CLASP1: variants seen among roughly 807,000 people sequenced by gnomAD.
The protein encoded by CLASP1 is CLIP-associating protein 1.
CLASP1 carries 38 observed loss-of-function variants against 192.3 expected under a neutral mutation model. The observed-to-expected ratio is 0.20, with a 90% confidence interval of 0.15 to 0.26. CLASP1 has a LOEUF of 0.26. Among genes scored for constraint, CLASP1 ranks in the 10% least tolerant of loss-of-function variants. CLASP1 has a pLI of 1.00. For missense variants in CLASP1, 1,433 were observed against 1,932.5 expected (o/e 0.74, Z 4.85); for synonymous variants, 691 against 712.8 (o/e 0.97, Z 0.49).
At position 121,530,329 on chromosome 2, in the gene CLASP1, C is replaced by G; in HGVS notation, c.196-4G>C. On this transcript the variant is annotated splice_region_variant and splice_polypyrimidine_tract_variant and intron_variant, in intron 2 of 39. Transcript: ENST00000263710. Reference sequence around the variant, plus strand: ...TGTCCATGCCCAGCAGAACCACCTGCAGCGGGAAACACCGGGAGCCTGTTA... The same window carrying G: ...TGTCCATGCCCAGCAGAACCACCTGGAGCGGGAAACACCGGGAGCCTGTTA... The G allele has an allele frequency of 1.9e-6, 3 of 1,548,862 alleles. No homozygotes were observed. The highest frequency in any genetic ancestry group is 2.6e-6 in the Non-Finnish European group (3 of 1,145,672).
chr2:121,574,037 C>A (rs1212975110), intron 2 of CLASP1, among the ~76,000 whole-genome samples: 1 of 152,100 alleles, frequency 6.6e-6, no homozygotes, highest in Non-Finnish European at 1.5e-5. Flanking sequence ...ATCTATTGTA[C>A]AATATGGTAA....
chr2:121,631,119 A>C (rs191783102), intron 1 of CLASP1, among the ~76,000 whole-genome samples: 1,256 of 118,186 alleles, frequency 0.011, 10 homozygotes, highest in Admixed American at 0.018. Context: ...AGATTGCGCC[A>C]TTACGCTCCA....
intron 2 of CLASP1, among the ~76,000 whole-genome samples, chr2:121,544,589 T>A (rs899482011): frequency 2.4e-4 from 36 of 152,280 alleles, no homozygotes; most frequent in African/African-American, 7.9e-4. Context: ...TTACTTAAAA[T>A]TTATTGATCA....
chr2:121,593,383 G>A (rs968810000), intron 2 of CLASP1, among the ~76,000 whole-genome samples: 8 of 152,126 alleles, frequency 5.3e-5, no homozygotes, highest in Non-Finnish European at 8.8e-5. Flanking sequence ...ACTTAGGGAG[G>A]CCCAGGCGGG....
In CLASP1 at chr2:121,503,021, T is replaced by G. The variant is rs927967078; in HGVS notation, c.712+146A>C. ...CAGTGATGATTCACTGCATTGTTTC[T>G]GGCCTGGAAAACTGGGTGAATGGAG... On this transcript the variant is annotated intron_variant, in intron 8 of 39. Transcript: ENST00000263710. The G allele has an allele frequency of 5.0e-6, 3 of 601,926 alleles. No homozygotes were observed. In the African/African-American group the frequency reaches 5.6e-5, roughly 11 times the overall value. The allele number at this position is 601,926 out of a possible 1,614,324, so 37.3% of individuals were successfully genotyped here.
chr2:121,528,129 AC>A (rs1192054111), intron 4 of CLASP1, among the ~76,000 whole-genome samples: 2 of 152,196 alleles, frequency 1.3e-5, no homozygotes, highest in Admixed American at 6.5e-5. Flanking sequence ...TCTCCCAAGA[AC>A]CCTGAAAGAG....
At chr2:121,393,683 G>A (rs558816802) in intron 30 of CLASP1, among the ~76,000 whole-genome samples, 60 of 152,168 alleles carry the variant, frequency 3.9e-4, no homozygotes, top group African/African-American at 1.4e-3. Flanking sequence ...TCAAAACAGG[G>A]AATTTAAATA....
At chr2:121,530,577 G>C (rs918887083) in intron 2 of CLASP1, 5 of 532,280 alleles carry the variant, frequency 9.4e-6, no homozygotes, top group South Asian at 2.8e-5. Context: ...AGCCAAACCC[G>C]GGTTAGCTGC....
rs190038674 is a variant in CLASP1 at position 121,604,679 on chromosome 2, T to C, written c.195+1022A>G. Among the ~76,000 whole-genome samples, 9 of 152,200 alleles carry C rather than the reference T, an allele frequency of 5.9e-5. No homozygotes were observed. The East Asian group carries it at 1.5e-3, about 26-fold the overall frequency. ...CAAGACTCGGTCTAAAAAATAAATA[T>C]ACGAAGACAGGTAGGATAAATTTTA... is the stretch of plus-strand genomic sequence containing the variant. On this transcript the variant is annotated intron_variant, in intron 2 of 39. Coordinates refer to ENST00000263710, the Ensembl canonical transcript of CLASP1.
At chr2:121,377,588 C>T in exon 34 of CLASP1, 1 of 1,595,792 alleles carries the variant, frequency 6.3e-7, no homozygotes, top group Non-Finnish European at 8.6e-7. Context: ...GCTTCTGTAA[C>T]TCCACGTAGA....
At chr2:121,340,579 G>T in exon 40 of CLASP1, 1 of 333,374 alleles carries the variant, frequency 3.0e-6, no homozygotes, top group Non-Finnish European at 5.4e-6. Context: ...CACACACAGG[G>T]TTTCGCCATC....
At chr2:121,590,509 A>C (rs2062262961) in intron 2 of CLASP1, among the ~76,000 whole-genome samples, 1 of 152,226 alleles carries the variant, frequency 6.6e-6, no homozygotes, top group South Asian at 2.1e-4. Flanking sequence ...AGCTGACAAA[A>C]TAGCATGATC....
chr2:121,574,508 G>A (rs1046673712), intron 2 of CLASP1, among the ~76,000 whole-genome samples: 1 of 151,260 alleles, frequency 6.6e-6, no homozygotes, highest in Non-Finnish European at 1.5e-5. Context: ...GGTGGCACAC[G>A]CCTGTAATCC....
chr2:121,466,300 A>G (rs1167352409), intron 9 of CLASP1, among the ~76,000 whole-genome samples: 2 of 152,222 alleles, frequency 1.3e-5, no homozygotes, highest in African/African-American at 4.8e-5. Flanking sequence ...AAAGAACTAG[A>G]AATAAGCACA....
At chr2:121,376,535 G>C (rs1327280635) in intron 34 of CLASP1, among the ~76,000 whole-genome samples, 1 of 150,524 alleles carries the variant, frequency 6.6e-6, no homozygotes, top group African/African-American at 2.4e-5. Flanking sequence ...GTGGGGGGGG[G>C]GTCGGGGAGG....
chr2:121,513,699 T>C (rs534008062), intron 7 of CLASP1, among the ~76,000 whole-genome samples: 1 of 152,292 alleles, frequency 6.6e-6, no homozygotes, highest in East Asian at 1.9e-4. Context: ...ATGCATGGGG[T>C]GAAACCCAGA....
At chr2:121,379,811 A>G (rs1018433095) in intron 33 of CLASP1, among the ~76,000 whole-genome samples, 4 of 152,212 alleles carry the variant, frequency 2.6e-5, no homozygotes, top group Non-Finnish European at 5.9e-5. Flanking sequence ...AACTTTCTTA[A>G]AAATATTTCA....
At chr2:121,415,533 T>G (rs927658756) in intron 23 of CLASP1, among the ~76,000 whole-genome samples, 10 of 152,222 alleles carry the variant, frequency 6.6e-5, no homozygotes, top group Admixed American at 2.0e-4. Context: ...CTCATGTGGA[T>G]AGAAAACAAC....
intron 22 of CLASP1, among the ~76,000 whole-genome samples, chr2:121,424,431 G>A (rs573245300): frequency 2.6e-5 from 4 of 152,216 alleles, no homozygotes; most frequent in South Asian, 2.1e-4. Context: ...TTACCCTTAG[G>A]AAGTAAAGAA....
Sources: gnomAD v4.1 joint callset for allele counts (sites outside exome capture counted in the v4.1 genomes callset) on GRCh38, gnomAD v4.1.1 for gene constraint, MANE v1.5 for transcripts, NCBI Gene and HGNC (gene_info 2026-07-23, HGNC 2026-07-21) for gene names.